The following LAMA3 variants were observed in gnomAD, a reference collection of about 807,000 sequenced individuals.
The protein encoded by LAMA3 is laminin subunit alpha-3.
In LAMA3, 281 loss-of-function variants were observed where a neutral mutation model predicts 402.0. The observed-to-expected ratio is 0.70, with a 90% CI of 0.63 to 0.77. LAMA3 has a LOEUF of 0.77. LAMA3 is among the 30% of genes least tolerant of loss of function. LAMA3 has a pLI of 0.00. For missense variants in LAMA3, 3,840 were observed against 4,215.5 expected, an observed-to-expected ratio of 0.91 and a Z score of 2.47; for synonymous variants, 1,431 against 1,558.4, an observed-to-expected ratio of 0.92 and a Z score of 1.93.
chr18:23,738,440 G>A (rs946891267), intron 2 of LAMA3, among the ~76,000 whole-genome samples: 4 of 152,180 alleles, frequency 2.6e-5, no homozygotes, highest in Middle Eastern at 3.4e-3. Context: ...TAAAGGAAGC[G>A]GTTCCTTTTT....
chr18:23,917,482 G>A (rs991146002), intron 60 of LAMA3, among the ~76,000 whole-genome samples: 3 of 152,188 alleles, frequency 2.0e-5, no homozygotes, highest in Non-Finnish European at 4.4e-5. Context: ...ATTCCCGCCA[G>A]CAGTGTACAA....
chr18:23,741,079 G>A (rs1385686963), intron 2 of LAMA3, among the ~76,000 whole-genome samples: 6 of 151,532 alleles, frequency 4.0e-5, no homozygotes, highest in Non-Finnish European at 8.8e-5. Flanking sequence ...TCAGCCTCCC[G>A]AGTAGCTGGG....
chr18:23,746,621 AAATAT>A (rs1403278118), intron 2 of LAMA3, among the ~76,000 whole-genome samples: 1 of 152,152 alleles, frequency 6.6e-6, no homozygotes, highest in Non-Finnish European at 1.5e-5. Flanking sequence ...ATTTTTAATA[AAATAT>A]ATTTATGCTA....
At position 23,924,788 on chromosome 18, in the gene LAMA3, C is replaced by A. The variant is rs531317652; in HGVS notation, c.8177+3203C>A. On this transcript the variant is annotated intron_variant, in intron 62 of 74. Transcript: ENST00000313654. ...GAACTCCTGACCTCAGGTGATCCAC[C>A]TGCCTCTGCCTCCCAAAGTGTTAGG... Among the ~76,000 whole-genome samples the A allele has an allele frequency of 3.3e-5, 5 of 152,242 alleles. No homozygotes were observed. In the South Asian group the frequency reaches 8.3e-4, roughly 25 times the overall value.
intron 17 of LAMA3, among the ~76,000 whole-genome samples, chr18:23,815,785 T>G (rs1322236666): frequency 6.6e-6 from 1 of 152,214 alleles, no homozygotes; most frequent in Non-Finnish European, 1.5e-5. Context: ...ACCAGCACAC[T>G]GTGGGTTTAA....
At chr18:23,768,449 A>C (rs2062126401) in intron 8 of LAMA3, among the ~76,000 whole-genome samples, 1 of 152,252 alleles carries the variant, frequency 6.6e-6, no homozygotes, top group Non-Finnish European at 1.5e-5. Context: ...ATATCATCTC[A>C]CACCAGCTAG....
chr18:23,750,660 T>C (rs2061733505), intron 4 of LAMA3, among the ~76,000 whole-genome samples: 1 of 152,024 alleles, frequency 6.6e-6, no homozygotes, highest in Admixed American at 6.6e-5. Flanking sequence ...AACAAAGGCT[T>C]TGAAAACGTA....
At chr18:23,933,652 T>C (rs906588559) in intron 66 of LAMA3, 130 bp from the exon 67 acceptor site, 86 of 874,496 alleles carry the variant, frequency 9.8e-5, no homozygotes, top group Non-Finnish European at 1.3e-4. Context: ...CTAACTGCAT[T>C]TTTGTACCCA....
At chr18:23,793,608 G>A (rs192189586) in intron 12 of LAMA3, among the ~76,000 whole-genome samples, 15 of 151,760 alleles carry the variant, frequency 9.9e-5, no homozygotes, top group African/African-American at 3.6e-4. Context: ...AAGAACAATT[G>A]TGTGGGGAAA....
At chr18:23,846,626 T>C in intron 31 of LAMA3, 118 bp downstream of exon 31, 1 of 966,126 alleles carries the variant, frequency 1.0e-6, no homozygotes, top group Non-Finnish European at 1.6e-6. Flanking sequence ...TCTGGAGAAA[T>C]GCAGATTCTG....
intron 38 of LAMA3, chr18:23,872,963 G>A (rs1395159117): frequency 1.9e-6 from 3 of 1,575,396 alleles, no homozygotes; most frequent in East Asian, 2.2e-5. Context: ...AGTCAGGCAG[G>A]CCCGGGCACT....
Position 23,918,679 on chromosome 18 carries a change from G to A in LAMA3, c.7923+1984G>A, listed in dbSNP as rs963022588. On this transcript the variant is annotated intron_variant, in intron 60 of 74. Transcript: ENST00000313654. This position sits in a 1 kb window ranked among gnomAD's most constrained non-coding sequence, Gnocchi z 4.1. ...TGTTTGCTGCTTTATACCTATAGCC[G>A]GCCTGGAGTTGAACCCTCCGGTGAA... 1.3e-5 allele frequency among the ~76,000 whole-genome samples: 2 copies of A among 152,154 alleles called. No homozygotes were observed. The highest frequency in any genetic ancestry group is 2.4e-5 in the African/African-American group (1 of 41,442).
intron 1 of LAMA3, among the ~76,000 whole-genome samples, chr18:23,690,542 A>G (rs547867580): frequency 6.6e-6 from 1 of 152,344 alleles, no homozygotes; most frequent in East Asian, 1.9e-4. Context: ...GGACAGAGAT[A>G]GAAAGGCTCT....
intron 38 of LAMA3, among the ~76,000 whole-genome samples, chr18:23,874,174 G>T (rs749059359): frequency 6.6e-6 from 1 of 152,118 alleles, no homozygotes; most frequent in Non-Finnish European, 1.5e-5. Context: ...TCTCAGGCAT[G>T]TTGTCATAAA....
intron 35 of LAMA3, 102 bp downstream of exon 35, chr18:23,861,909 G>A: frequency 7.9e-7 from 1 of 1,272,720 alleles, no homozygotes; most frequent in Non-Finnish European, 1.1e-6. Flanking sequence ...CAGCAGTTCA[G>A]GTTACTAACG....
At chr18:23,763,210 G>A (rs999626274) in intron 7 of LAMA3, among the ~76,000 whole-genome samples, 195 bp from the exon 8 acceptor site, 1 of 152,114 alleles carries the variant, frequency 6.6e-6, no homozygotes, top group African/African-American at 2.4e-5. Flanking sequence ...AATATCAAAT[G>A]AAAGGAGCTC....
At chr18:23,810,332 C>T (rs776422530) in intron 12 of LAMA3, 34 bp from the exon 13 acceptor site, 39 of 1,613,618 alleles carry the variant, frequency 2.4e-5, no homozygotes, top group Non-Finnish European at 3.1e-5. Context: ...TACCTGCAAC[C>T]CCCGCCTAAG....
chr18:23,799,970 G>C (rs74425334), intron 12 of LAMA3, among the ~76,000 whole-genome samples: 192 of 152,226 alleles, frequency 1.3e-3, no homozygotes, highest in African/African-American at 4.6e-3. Context: ...CCACATGATG[G>C]AGAATAATCT....
chr18:23,810,230 G>A lies in LAMA3; in HGVS notation c.1604-136G>A. On this transcript the variant is annotated intron_variant, in intron 12 of 74. Transcript: ENST00000313654. ...GTTGAGTGGCTTGTTTCAGGTTCCC[G>A]ATCTCATAAGAAGTGGAGCTGGAAT... The A allele has an allele frequency of 1.3e-5, 13 of 1,009,626 alleles. 1 individual carries two copies. The South Asian group carries it at 1.5e-4, about 11-fold the overall frequency. The allele number at this position is 1,009,626 out of a possible 1,614,324, so 62.5% of individuals were successfully genotyped here. A position where few individuals can be genotyped will look rare whatever the true frequency, so the allele number is the denominator to read the frequency against.
Sources: allele counts gnomAD v4.1 joint callset (sites outside exome capture counted in the v4.1 genomes callset), GRCh38; gene constraint gnomAD v4.1.1; non-coding constraint Gnocchi (gnomAD v3.1); transcripts MANE v1.5; gene names NCBI Gene and HGNC (gene_info 2026-07-23, HGNC 2026-07-21).